The following GPR19 variants were observed in gnomAD, a reference collection of about 807,000 sequenced individuals.
The protein encoded by GPR19 is G protein-coupled receptor 19.
GPR19 carries 14 observed loss-of-function variants against 28.5 expected under a neutral mutation model. That is an observed-to-expected ratio of 0.49 (90% confidence interval 0.32 to 0.77). The LOEUF (loss-of-function observed/expected upper bound fraction) is 0.77, where lower values mean the gene tolerates loss of function less well. GPR19 is among the 30% of genes least tolerant of loss of function. The probability of loss-of-function intolerance (pLI) is 0.03; values close to 1 mark genes in which losing one functional copy is unlikely to be tolerated. For synonymous variants in GPR19, 173 were observed against 184.1 expected, an observed-to-expected ratio of 0.94 and a Z score of 0.49; for missense variants, 409 against 504.1, an observed-to-expected ratio of 0.81 and a Z score of 1.81.
At chr12:12,665,348 A>G (rs748901100) in intron 3 of GPR19, among the ~76,000 whole-genome samples, 2 of 152,140 alleles carry the variant, frequency 1.3e-5, no homozygotes, top group African/African-American at 2.4e-5. Context: ...CTTTACACCC[A>G]TGAGTCTGTC....
the GPR19 span, among the ~76,000 whole-genome samples, chr12:12,710,378 T>C: frequency 1.3e-5 from 2 of 148,150 alleles, no homozygotes; most frequent in Non-Finnish European, 3.0e-5. Flanking sequence ...AAATACCACA[T>C]GCATCCTTAT....
intron 3 of GPR19, among the ~76,000 whole-genome samples, chr12:12,667,452 A>T (rs1456517932): frequency 6.6e-6 from 1 of 152,120 alleles, no homozygotes; most frequent in Non-Finnish European, 1.5e-5. Flanking sequence ...GCACTTTGGG[A>T]GGCTGAGGCG....
chr12:12,709,357 C>G, the GPR19 span, among the ~76,000 whole-genome samples: 1 of 152,184 alleles, frequency 6.6e-6, no homozygotes, highest in Admixed American at 6.5e-5. Context: ...TCTCTCTTCT[C>G]TGCCCCCTTT....
In GPR19 at chr12:12,679,334, T is replaced by C. The variant is rs1327152332; in HGVS notation, c.-23+5017A>G. ...GTTTGGGCACAGTGGCTCATGCTTG[T>C]AATCCCAGCACTTTCGGAGGCTGGG... On this transcript the variant is annotated intron_variant, in intron 3 of 3. Coordinates refer to ENST00000651487, the MANE Select transcript of GPR19 (RefSeq NM_006143.3). Among the ~76,000 whole-genome samples, 4 of 150,992 alleles carry C rather than the reference T, an allele frequency of 2.6e-5. No homozygotes were observed. The East Asian group carries it at 7.8e-4, about 30-fold the overall frequency.
intron 3 of GPR19, among the ~76,000 whole-genome samples, chr12:12,678,071 C>CT (rs1273734161): frequency 4.8e-5 from 4 of 83,474 alleles, no homozygotes; most frequent in African/African-American, 2.6e-4. Flanking sequence ...GAGACTCTGT[C>CT]TCAAAAAAAA....
Position 12,688,348 on chromosome 12 carries a change from T to G in GPR19, c.-179-3841A>C, listed in dbSNP as rs746662769. Among the ~76,000 whole-genome samples, 8 of 119,432 alleles carry G rather than the reference T, an allele frequency of 6.7e-5. 1 individual carries two copies. The highest frequency in any genetic ancestry group is 9.5e-5 in the Non-Finnish European group (5 of 52,606). 78.4% of individuals were successfully genotyped at this position (119,432 alleles called of 152,430 possible). A position where few individuals can be genotyped will look rare whatever the true frequency, so the allele number is the denominator to read the frequency against. ...TCAAATCTGTACATATAATGTCGAGTTTTTTTTTTTAATAAAAAGGCAAGG... is the reference window on the plus strand; with the variant it reads ...TCAAATCTGTACATATAATGTCGAGGTTTTTTTTTTAATAAAAAGGCAAGG... On this transcript the variant is annotated intron_variant, in intron 2 of 3. Transcript: ENST00000651487.
chr12:12,715,640 C>T, the GPR19 span: 3 of 152,296 alleles, frequency 2.0e-5, no homozygotes, highest in African/African-American at 7.2e-5. Context: ...GACTACAGCA[C>T]AATCAAACTC....
At chr12:12,689,723 C>T (rs1946156151) in intron 2 of GPR19, among the ~76,000 whole-genome samples, 1 of 152,102 alleles carries the variant, frequency 6.6e-6, no homozygotes, top group Admixed American at 6.5e-5. Flanking sequence ...ATCCACCTCC[C>T]CCTGAATGTG....
At chr12:12,703,364 GT>G in the GPR19 span, 1 of 985,088 alleles carries the variant, frequency 1.0e-6, no homozygotes, top group Non-Finnish European at 1.2e-6. Context: ...AGTATATGGA[GT>G]ATGCGTGAGT....
the GPR19 span, among the ~76,000 whole-genome samples, chr12:12,707,133 A>G: frequency 2.0e-5 from 3 of 152,268 alleles, no homozygotes; most frequent in Admixed American, 2.0e-4. Context: ...CAACTATCCC[A>G]GACACATTCC....
chr12:12,707,979 A>C, the GPR19 span, among the ~76,000 whole-genome samples: 38 of 82,288 alleles, frequency 4.6e-4, no homozygotes, highest in Non-Finnish European at 9.3e-4. Context: ...TTTGCTATTT[A>C]TTTCCTATTC....
intron 1 of GPR19, 61 bp downstream of exon 1, chr12:12,696,004 T>G (rs975494263): frequency 6.6e-6 from 1 of 152,208 alleles, no homozygotes; most frequent in Non-Finnish European, 1.5e-5. Context: ...CTTCAGTCGC[T>G]GAAACCTCCC....
chr12:12,666,354 A>T (rs1333157625), intron 3 of GPR19, among the ~76,000 whole-genome samples: 1 of 152,240 alleles, frequency 6.6e-6, no homozygotes, highest in African/African-American at 2.4e-5. Flanking sequence ...TTGCTCATAC[A>T]GCATCTTGTT....
chr12:12,696,459 G>A (rs1016743098), upstream of GPR19, among the ~76,000 whole-genome samples: 6 of 150,420 alleles, frequency 4.0e-5, no homozygotes, highest in African/African-American at 1.2e-4. Context: ...CTAGCCGACA[G>A]GCTAGCGGCA....
chr12:12,703,325 G>A, the GPR19 span: 2 of 945,190 alleles, frequency 2.1e-6, no homozygotes, highest in Non-Finnish European at 2.5e-6. Flanking sequence ...TATTGATTGT[G>A]AGACACAGTC....
chr12:12,678,511 T>C (rs1945970063), intron 3 of GPR19, among the ~76,000 whole-genome samples: 1 of 152,224 alleles, frequency 6.6e-6, no homozygotes, highest in African/African-American at 2.4e-5. Flanking sequence ...TTATTCTCTC[T>C]GCTGGGCAAC....
At chr12:12,676,425 C>T (rs1945931568) in intron 3 of GPR19, among the ~76,000 whole-genome samples, 1 of 151,848 alleles carries the variant, frequency 6.6e-6, no homozygotes, top group African/African-American at 2.4e-5. Context: ...TGGCAGAGAG[C>T]TCATCCTGAG....
chr12:12,664,138 T>C (rs1447023603), intron 3 of GPR19, among the ~76,000 whole-genome samples: 5 of 152,102 alleles, frequency 3.3e-5, no homozygotes, highest in Admixed American at 1.3e-4. Flanking sequence ...TAGAGGCGCG[T>C]GCCACCATGC....
chr12:12,687,916 C>A (rs1002544075), intron 2 of GPR19, among the ~76,000 whole-genome samples: 8 of 152,286 alleles, frequency 5.3e-5, no homozygotes, highest in Admixed American at 2.6e-4. Context: ...TCTGATAGTG[C>A]CACTGCACTC....
Sources: allele counts gnomAD v4.1 joint callset (sites outside exome capture counted in the v4.1 genomes callset), GRCh38; gene constraint gnomAD v4.1.1; transcripts MANE v1.5; gene names NCBI Gene and HGNC (gene_info 2026-07-23, HGNC 2026-07-21).